ZNF676: variants seen among roughly 807,000 people sequenced by gnomAD.
ZNF676 encodes the protein zinc finger protein 676.
ZNF676 carries 4 observed loss-of-function variants against 6.0 expected under a neutral mutation model. That is an observed-to-expected ratio of 0.67 (90% CI 0.33 to 1.53). The LOEUF (loss-of-function observed/expected upper bound fraction) is 1.53. ZNF676 is among the 40% of genes most tolerant of loss of function. The pLI, the probability that ZNF676 is intolerant of heterozygous loss-of-function variation, is 0.06. For synonymous variants in ZNF676, 198 were observed against 223.1 expected, an observed-to-expected ratio of 0.89 and a Z score of 1.00; for missense variants, 644 against 679.7, an observed-to-expected ratio of 0.95 and a Z score of 0.58.
chr19:22,214,466 G>A (rs1235272382), intron 1 of ZNF676, among the ~76,000 whole-genome samples: 3 of 151,396 alleles, frequency 2.0e-5, no homozygotes, highest in Non-Finnish European at 2.9e-5. Flanking sequence ...AATACAAGTG[G>A]CACATGCCTG....
At chr19:22,227,733 C>T in the ZNF676 span, among the ~76,000 whole-genome samples, 1 of 152,144 alleles carries the variant, frequency 6.6e-6, no homozygotes, top group Non-Finnish European at 1.5e-5. Flanking sequence ...CTGTAAACAC[C>T]TCAATGTAAA....
In ZNF676 at chr19:22,179,998, G is replaced by A. The variant is rs267605389; in HGVS notation, c.1719C>T (p.Ser573=). Residue 573 remains serine (S), a synonymous_variant, in exon 3 of 3, where the codon TCC becomes TCT. Coordinates refer to ENST00000397121, the MANE Select transcript of ZNF676 (RefSeq NM_001001411.3). ...CEECGKAFKS[S]STVSYHKKIH... is the part of the protein sequence containing the mutation. ...TTTTCTTATGATAACTAACAGTTGAGGATGACTTAAAAGCTTTGCCACATT... is the reference window on the plus strand; with the variant it reads ...TTTTCTTATGATAACTAACAGTTGAAGATGACTTAAAAGCTTTGCCACATT... 3 of 1,613,750 alleles carry A rather than the reference G, an allele frequency of 1.9e-6. No homozygotes were observed. The highest frequency in any genetic ancestry group is 1.7e-5 in the Admixed American group (1 of 59,982).
At chr19:22,228,811 C>G in the ZNF676 span, among the ~76,000 whole-genome samples, 1 of 152,052 alleles carries the variant, frequency 6.6e-6, no homozygotes, top group South Asian at 2.1e-4. Flanking sequence ...ATGTGAAGGA[C>G]CTTTTCAAGG....
intron 1 of ZNF676, among the ~76,000 whole-genome samples, chr19:22,202,561 A>G (rs1467863876): frequency 6.6e-6 from 1 of 152,106 alleles, no homozygotes; most frequent in African/African-American, 2.4e-5. Flanking sequence ...TAGAAGCAAA[A>G]TTTTCTTCAG....
At position 22,181,211 on chromosome 19, in the gene ZNF676, T is replaced by G; in HGVS notation, c.506A>C (p.Tyr169Ser). The G allele has an allele frequency of 6.2e-7, 1 of 1,613,960 alleles. No individual in the cohort carries two copies. Among genetic ancestry groups the G allele is most frequent in the Non-Finnish European group, 8.5e-7 (1 of 1,179,920 alleles). ...HERIYTRENS[Y>S]KCEENGKAFN... ...AGCTTTGCCATTTTCTTCACATTTG[T>G]AGGAATTCTCTCTAGTATAAATTCT... The change falls in exon 3 of 3, where the codon TAC (tyrosine) becomes TCC (serine). Residue 169 changes from tyrosine to serine, a missense_variant. By Grantham distance (144) the Tyr-to-Ser change is moderately radical. This residue lies in a region of ZNF676 where 280 missense variants were observed against 269.3 expected (regional missense o/e 1.04). Transcript: ENST00000397121.
At chr19:22,215,995 C>T (rs758329537), upstream of ZNF676, among the ~76,000 whole-genome samples, 1 of 152,208 alleles carries the variant, frequency 6.6e-6, no homozygotes, top group African/African-American at 2.4e-5. Context: ...AGGCCTACCC[C>T]AGAGCATGGG....
chr19:22,248,987 C>T, the ZNF676 span, among the ~76,000 whole-genome samples: 2 of 152,302 alleles, frequency 1.3e-5, no homozygotes, highest in African/African-American at 4.8e-5. Flanking sequence ...ACCTTGGCCT[C>T]CCAAAGTGCT....
In ZNF676 at chr19:22,196,665, T is replaced by A. The variant is rs754496951; in HGVS notation, c.-32A>T. On this transcript the variant is annotated 5_prime_UTR_variant, in exon 1 of 3. Coordinates refer to ENST00000397121, the MANE Select transcript of ZNF676 (RefSeq NM_001001411.3). ...CCTATATAAATTCTGCTGTGTAGAA[T>A]CCAGGCATTGCCACTCCTCCAGAGA... The A allele has an allele frequency of 5.1e-5, 83 of 1,613,620 alleles. 1 individual carries two copies. In the East Asian group the frequency reaches 1.6e-3, roughly 31 times the overall value.
At chr19:22,253,403 TG>T in the ZNF676 span, among the ~76,000 whole-genome samples, 1 of 91,158 alleles carries the variant, frequency 1.1e-5, no homozygotes, top group Admixed American at 1.1e-4. Flanking sequence ...TATGATAATG[TG>T]TATATATATA....
At chr19:22,233,647 T>C in the ZNF676 span, among the ~76,000 whole-genome samples, 9 of 152,280 alleles carry the variant, frequency 5.9e-5, no homozygotes, top group Admixed American at 1.3e-4. Context: ...GCAGTCTCTC[T>C]GCTGCTGTAA....
At chr19:22,239,067 G>A in the ZNF676 span, among the ~76,000 whole-genome samples, 6 of 152,104 alleles carry the variant, frequency 3.9e-5, no homozygotes, top group African/African-American at 1.2e-4. Flanking sequence ...AGTTAAGAGA[G>A]TCAACATCTC....
Position 22,180,752 on chromosome 19 carries a change from G to T in ZNF676, c.965C>A (p.Ser322Ter), listed in dbSNP as rs1196375062. The T allele has an allele frequency of 6.2e-7, 1 of 1,613,178 alleles. No homozygotes were observed. The highest frequency in any genetic ancestry group is 8.5e-7 in the Non-Finnish European group (1 of 1,179,512). Residue 322 changes from serine (S) to a stop codon, truncating the protein, a stop_gained, in exon 3 of 3, where the codon TCA (serine) becomes TAA (stop). Coordinates refer to ENST00000397121, the MANE Select transcript of ZNF676 (RefSeq NM_001001411.3). LOFTEE classifies it low-confidence loss of function (END_TRUNC). ...EECGKAFSWSSSLTEHKRIHA... is the reference protein window; with the variant it reads ...EECGKAFSWS ...AATTCTCTTGTGTTCAGTAAGGCTT[G>T]AGGACCAGCTGAAGGCTTTGCCACA...
the ZNF676 span, among the ~76,000 whole-genome samples, chr19:22,228,505 G>T: frequency 6.6e-5 from 10 of 152,096 alleles, no homozygotes; most frequent in African/African-American, 2.4e-4. Context: ...TTCTGGCCAG[G>T]ACAATCAGGC....
chr19:22,231,253 A>G, the ZNF676 span, among the ~76,000 whole-genome samples: 1 of 152,120 alleles, frequency 6.6e-6, no homozygotes, highest in Middle Eastern at 3.2e-3. Context: ...AGGAAAAAGT[A>G]AAAGCATATC....
intron 2 of ZNF676, among the ~76,000 whole-genome samples, chr19:22,190,715 A>G (rs2023897456): frequency 6.8e-6 from 1 of 148,056 alleles, no homozygotes; most frequent in Non-Finnish European, 1.5e-5. Flanking sequence ...TTACATAGCA[A>G]TAATTATTAC....
the ZNF676 span, among the ~76,000 whole-genome samples, chr19:22,239,307 C>G: frequency 6.6e-6 from 1 of 150,452 alleles, no homozygotes; most frequent in African/African-American, 2.5e-5. Flanking sequence ...TCCCGAGTAG[C>G]TAGGACTACA....
intron 1 of ZNF676, among the ~76,000 whole-genome samples, chr19:22,194,864 C>T (rs563538054): frequency 2.0e-5 from 3 of 152,140 alleles, no homozygotes; most frequent in Non-Finnish European, 2.9e-5. Flanking sequence ...AGGAAGTGCA[C>T]GATTAGATCT....
chr19:22,256,272 A>G, the ZNF676 span, among the ~76,000 whole-genome samples: 1 of 152,232 alleles, frequency 6.6e-6, no homozygotes, highest in Non-Finnish European at 1.5e-5. Context: ...GGTAGTGAGT[A>G]GGAGAGTCAC....
the ZNF676 span, among the ~76,000 whole-genome samples, chr19:22,238,244 G>T: frequency 2.6e-4 from 40 of 152,158 alleles, no homozygotes; most frequent in East Asian, 6.6e-3. Context: ...TAGAGAGGGG[G>T]TTTCACCATC....
Sources: gnomAD v4.1 joint callset for allele counts (sites outside exome capture counted in the v4.1 genomes callset) on GRCh38, gnomAD v4.1.1 for gene constraint, gnomAD v4.1.1 regional missense constraint, MANE v1.5 for transcripts, NCBI Gene and HGNC (gene_info 2026-07-23, HGNC 2026-07-21) for gene names.